AK8: variants seen among roughly 807,000 people sequenced by gnomAD.
AK8 encodes the protein ATP-AMP transphosphorylase 8.
In AK8, 44 loss-of-function variants were observed where a neutral mutation model predicts 54.6. That is an observed-to-expected ratio of 0.81 (90% CI 0.63 to 1.04). AK8 has a LOEUF of 1.04. Ranked by LOEUF, AK8 falls within the 50% of genes least tolerant of loss-of-function variation. The pLI is 0.00. For synonymous variants in AK8, 239 were observed against 245.6 expected, an observed-to-expected ratio of 0.97 and a Z score of 0.25; for missense variants, 555 against 613.6, an observed-to-expected ratio of 0.90 and a Z score of 1.01.
At chr9:132,732,056 T>A (rs1030193874) in intron 11 of AK8, among the ~76,000 whole-genome samples, 2 of 152,224 alleles carry the variant, frequency 1.3e-5, no homozygotes, top group African/African-American at 4.8e-5. Context: ...TAGTTATTAG[T>A]GTACCTGAGT....
At chr9:132,850,289 G>C (rs1564438123) in intron 5 of AK8, among the ~76,000 whole-genome samples, 3 of 143,372 alleles carry the variant, frequency 2.1e-5, no homozygotes, top group Admixed American at 7.2e-5. Flanking sequence ...GCATGTGTAC[G>C]GCTGCCTTTG....
chr9:132,771,329 G>T (rs774194685), intron 11 of AK8, among the ~76,000 whole-genome samples: 11 of 152,214 alleles, frequency 7.2e-5, no homozygotes, highest in Non-Finnish European at 1.6e-4. Flanking sequence ...ATGGTGGTCA[G>T]GCTTACACTG....
intron 9 of AK8, among the ~76,000 whole-genome samples, chr9:132,817,526 A>C (rs1485539526): frequency 6.6e-6 from 1 of 152,236 alleles, no homozygotes; most frequent in Non-Finnish European, 1.5e-5. Context: ...GAATCTCAGC[A>C]GAGAAAGGAA....
At chr9:132,776,310 C>CACCG (rs1252381507) in intron 11 of AK8, among the ~76,000 whole-genome samples, 1 of 152,224 alleles carries the variant, frequency 6.6e-6, no homozygotes, top group Non-Finnish European at 1.5e-5. Flanking sequence ...ATGACCCAGC[C>CACCG]ACCGCCTCCC....
intron 11 of AK8, among the ~76,000 whole-genome samples, chr9:132,741,206 G>A (rs765682739): frequency 5.3e-5 from 8 of 152,202 alleles, no homozygotes; most frequent in Non-Finnish European, 7.3e-5. Flanking sequence ...AACTCTGGCC[G>A]AGTCTTTTTC....
intron 5 of AK8, among the ~76,000 whole-genome samples, chr9:132,841,827 G>A (rs559711103): frequency 5.6e-4 from 86 of 152,236 alleles, no homozygotes; most frequent in African/African-American, 2.0e-3. Flanking sequence ...CAAGCACCCT[G>A]GCGCTTGATT....
chr9:132,773,012 C>T (rs1182753290), intron 11 of AK8, among the ~76,000 whole-genome samples: 1 of 152,154 alleles, frequency 6.6e-6, no homozygotes, highest in African/African-American at 2.4e-5. Flanking sequence ...ACAACATCAG[C>T]GGGATCCCAT....
intron 10 of AK8, among the ~76,000 whole-genome samples, chr9:132,808,746 C>G (rs1026970038): frequency 3.9e-5 from 6 of 152,180 alleles, no homozygotes; most frequent in Admixed American, 3.9e-4. Context: ...GCGCACATCT[C>G]TGGGGCACGC....
At chr9:132,795,654 G>A (rs894480706) in intron 10 of AK8, among the ~76,000 whole-genome samples, 1 of 152,106 alleles carries the variant, frequency 6.6e-6, no homozygotes, top group African/African-American at 2.4e-5. Flanking sequence ...CAGGCACTGT[G>A]CTGGACATGG....
At chr9:132,792,558 A>ACGTC in intron 11 of AK8, 76 bp downstream of exon 11, 1 of 1,488,900 alleles carries the variant, frequency 6.7e-7, no homozygotes, top group Admixed American at 2.2e-5. Flanking sequence ...TGTAACCTGG[A>ACGTC]CCCCTTCAGC....
chr9:132,758,994 T>C (rs1339867207), intron 11 of AK8, among the ~76,000 whole-genome samples: 1 of 151,706 alleles, frequency 6.6e-6, no homozygotes, highest in African/African-American at 2.4e-5. Context: ...GCCCCAGAGT[T>C]CAAGACCAGG....
intron 4 of AK8, among the ~76,000 whole-genome samples, chr9:132,858,510 A>G (rs1288776322): frequency 6.6e-6 from 1 of 152,108 alleles, no homozygotes; most frequent in Non-Finnish European, 1.5e-5. Context: ...GGGCATTTTG[A>G]GCTACAGTGT....
At chr9:132,786,126 A>AC (rs1453525136) in intron 11 of AK8, among the ~76,000 whole-genome samples, 1 of 152,164 alleles carries the variant, frequency 6.6e-6, no homozygotes, top group East Asian at 1.9e-4. Context: ...CTGAGAATCA[A>AC]CCTCATCTTC....
intron 8 of AK8, among the ~76,000 whole-genome samples, chr9:132,824,529 G>A (rs1038134462): frequency 4.6e-5 from 7 of 152,186 alleles, no homozygotes; most frequent in African/African-American, 7.2e-5. Flanking sequence ...TCTTTGTTGC[G>A]GGGCTATTCT....
intron 12 of AK8, 83 bp from the exon 13 acceptor site, chr9:132,726,008 C>T (rs1836549992): frequency 7.9e-7 from 1 of 1,270,078 alleles, no homozygotes; most frequent in Non-Finnish European, 1.1e-6. Context: ...TACTGTGGAC[C>T]AATTTGGGGT....
intron 9 of AK8, among the ~76,000 whole-genome samples, 192 bp from the exon 10 acceptor site, chr9:132,814,919 A>T (rs559493286): frequency 6.6e-6 from 1 of 152,346 alleles, no homozygotes; most frequent in South Asian, 2.1e-4. Flanking sequence ...GAAATAAATA[A>T]AAGAGAGAGG....
chr9:132,783,834 C>G (rs1370344350), intron 11 of AK8, among the ~76,000 whole-genome samples: 1 of 151,910 alleles, frequency 6.6e-6, no homozygotes, highest in Non-Finnish European at 1.5e-5. Context: ...AAATGAAAAA[C>G]AGCAAGAAAT....
Position 132,837,459 on chromosome 9 carries a change from G to T in AK8, c.403-8733C>A, listed in dbSNP as rs1387683926. Among the ~76,000 whole-genome samples the T allele has an allele frequency of 6.6e-6, 1 of 152,136 alleles. No homozygotes were observed. The highest frequency in any genetic ancestry group is 6.5e-5 in the Admixed American group (1 of 15,284). ...CTGCTCAGCCTGCGAAGAGAAGAGT[G>T]ATGTGGTCAGTACTTCTGGGTCCAG... On this transcript the variant is annotated intron_variant, in intron 5 of 12. Transcript: ENST00000298545. This position sits in a 1 kb window ranked among gnomAD's most constrained non-coding sequence, Gnocchi z 4.3.
intron 11 of AK8, among the ~76,000 whole-genome samples, chr9:132,733,338 A>G (rs927778856): frequency 5.3e-5 from 8 of 152,172 alleles, no homozygotes; most frequent in Non-Finnish European, 1.0e-4. Flanking sequence ...CCGGTACTGC[A>G]AGGCCCAACG....
Sources: gnomAD v4.1 joint callset for allele counts (sites outside exome capture counted in the v4.1 genomes callset) on GRCh38, gnomAD v4.1.1 for gene constraint, Gnocchi (gnomAD v3.1) non-coding constraint, MANE v1.5 for transcripts, NCBI Gene and HGNC (gene_info 2026-07-23, HGNC 2026-07-21) for gene names.